Variants in SNRK observed in about 807,000 individuals in gnomAD.
The protein encoded by SNRK is SNF related kinase, also known as SNF-related serine/threonine-protein kinase.
In SNRK, 3 loss-of-function variants were observed where a neutral mutation model predicts 48.2. The observed-to-expected ratio is 0.06, with a 90% CI of 0.03 to 0.16. The LOEUF is 0.16. Ranked by LOEUF, SNRK falls within the 10% of genes least tolerant of loss-of-function variation. The probability of loss-of-function intolerance (pLI) is 1.00; values close to 1 mark genes in which losing one functional copy is unlikely to be tolerated. For missense variants in SNRK, 627 were observed against 976.0 expected (o/e 0.64, Z 4.76); for synonymous variants, 376 against 366.1 (o/e 1.03, Z -0.31).
intron 5 of SNRK, among the ~76,000 whole-genome samples, chr3:43,341,804 G>C (rs774115963): frequency 2.0e-5 from 3 of 152,212 alleles, no homozygotes; most frequent in Non-Finnish European, 2.9e-5. Flanking sequence ...TGATCCCTGA[G>C]AAGGGCAGTG....
At chr3:43,311,095 G>C (rs181536056) in intron 3 of SNRK, among the ~76,000 whole-genome samples, 1 of 152,254 alleles carries the variant, frequency 6.6e-6, no homozygotes, top group East Asian at 1.9e-4. Flanking sequence ...TTGTTAGGTT[G>C]TTAATATACC....
chr3:43,302,870 A>G (rs1333324352), intron 2 of SNRK, among the ~76,000 whole-genome samples: 1 of 149,664 alleles, frequency 6.7e-6, no homozygotes, highest in Admixed American at 6.6e-5. Flanking sequence ...CCAATGAACT[A>G]ATTTTTTTTT....
chr3:43,332,373 C>A, intron 4 of SNRK, 63 bp downstream of exon 4: 1 of 1,108,296 alleles, frequency 9.0e-7, no homozygotes, highest in South Asian at 3.4e-5. Context: ...GTTTTAATTC[C>A]ATTAATATGT....
At chr3:43,317,829 CA>C (rs2091024850) in intron 3 of SNRK, among the ~76,000 whole-genome samples, 1 of 152,194 alleles carries the variant, frequency 6.6e-6, no homozygotes, top group African/African-American at 2.4e-5. Flanking sequence ...TATCTTTCCC[CA>C]CTTGACTTGC....
Position 43,348,209 on chromosome 3 carries a change from G to C in SNRK, c.1950G>C (p.Met650Ile). ...AGCTCGTTGAGAGCCTCAAACTCAT[G>C]AGCCTCTGCCTCGGCTCCCAGCTTC... Reference protein sequence around the residue: ...AGELVESLKLMSLCLGSQLHG... With the variant: ...AGELVESLKLISLCLGSQLHG... The change falls in exon 7 of 7, where the codon ATG (methionine) becomes ATC (isoleucine). Residue 650 changes from methionine (M) to isoleucine (I), a missense_variant. Coordinates refer to ENST00000296088, the MANE Select transcript of SNRK (RefSeq NM_017719.5). 1 of 1,608,914 alleles carries C rather than the reference G, an allele frequency of 6.2e-7. No homozygotes were observed. Among genetic ancestry groups the C allele is most frequent in the Non-Finnish European group, 8.5e-7 (1 of 1,177,546 alleles).
At chr3:43,295,823 C>T (rs1273729239) in intron 1 of SNRK, among the ~76,000 whole-genome samples, 1 of 152,176 alleles carries the variant, frequency 6.6e-6, no homozygotes, top group Non-Finnish European at 1.5e-5. Context: ...ACTGCAACCT[C>T]CACCTCCTGT....
chr3:43,322,526 A>G (rs976062894), intron 3 of SNRK, among the ~76,000 whole-genome samples: 2 of 152,228 alleles, frequency 1.3e-5, no homozygotes, highest in African/African-American at 4.8e-5. Flanking sequence ...AATCAATGAC[A>G]AACTCCCCTA....
At chr3:43,337,505 T>C (rs1481268424) in intron 4 of SNRK, among the ~76,000 whole-genome samples, 1 of 152,028 alleles carries the variant, frequency 6.6e-6, no homozygotes, top group Non-Finnish European at 1.5e-5. Context: ...ACTACAGCCT[T>C]GACCTCTCAG....
intron 4 of SNRK, among the ~76,000 whole-genome samples, chr3:43,334,165 T>C (rs959142860): frequency 3.3e-5 from 5 of 151,080 alleles, no homozygotes; most frequent in African/African-American, 7.3e-5. Flanking sequence ...ATAATTATTA[T>C]TGGGGCCAGG....
intron 2 of SNRK, among the ~76,000 whole-genome samples, chr3:43,301,818 A>G (rs1219756179): frequency 1.3e-5 from 2 of 152,196 alleles, no homozygotes; most frequent in African/African-American, 4.8e-5. Context: ...GGAGGTTGCT[A>G]TATTCCTTGT....
chr3:43,330,250 C>A (rs2091136056), intron 3 of SNRK, among the ~76,000 whole-genome samples: 1 of 152,124 alleles, frequency 6.6e-6, no homozygotes, highest in Admixed American at 6.5e-5. Flanking sequence ...TTTAAAATCA[C>A]CCCTTTTTTT....
intron 1 of SNRK, among the ~76,000 whole-genome samples, chr3:43,297,244 T>C (rs1011795164): frequency 3.9e-5 from 6 of 152,188 alleles, no homozygotes; most frequent in South Asian, 2.1e-4. Context: ...AACTGTTAAG[T>C]ATAGAGGATG....
At chr3:43,319,151 G>A (rs1413053256) in intron 3 of SNRK, among the ~76,000 whole-genome samples, 1 of 152,142 alleles carries the variant, frequency 6.6e-6, no homozygotes, top group African/African-American at 2.4e-5. Context: ...AGTTCCTGGA[G>A]AGTCCCTGTC....
At chr3:43,292,934 A>T (rs138792062) in intron 1 of SNRK, among the ~76,000 whole-genome samples, 3 of 152,162 alleles carry the variant, frequency 2.0e-5, no homozygotes, top group African/African-American at 7.2e-5. Flanking sequence ...TACATGTGCC[A>T]TGGTGGTTTG....
chr3:43,322,067 T>TA (rs1276578053), intron 3 of SNRK, among the ~76,000 whole-genome samples: 6 of 152,404 alleles, frequency 3.9e-5, no homozygotes, highest in African/African-American at 1.4e-4. Flanking sequence ...GCTTTGTGGC[T>TA]TTTTGGCATA....
intron 3 of SNRK, among the ~76,000 whole-genome samples, chr3:43,327,959 T>TG (rs958975443): frequency 1.9e-4 from 28 of 151,084 alleles, no homozygotes; most frequent in East Asian, 5.8e-4. Context: ...TGAGTTGGGT[T>TG]TTTTTTTTTT....
At chr3:43,288,948 T>A (rs1384447756) in intron 1 of SNRK, among the ~76,000 whole-genome samples, 1 of 152,198 alleles carries the variant, frequency 6.6e-6, no homozygotes, top group Admixed American at 6.5e-5. Context: ...ATCCTAGCAG[T>A]TCTGAAGATA....
rs371078181 is a variant in SNRK at position 43,296,415 on chromosome 3, C to CATATATATATATATAT, written c.-168-3336_-168-3321dup. Among the ~76,000 whole-genome samples, 910 of 127,136 alleles carry CATATATATATATATAT rather than the reference C, an allele frequency of 7.2e-3. 11 individuals are homozygous for CATATATATATATATAT. The highest frequency in any genetic ancestry group is 0.021 in the African/African-American group (625 of 29,268). 83.4% of individuals were successfully genotyped at this position (127,136 alleles called of 152,430 possible). ...TGTTTGTATTAGATGGATATACTGG[C>CATATATATATATATAT]ATATATATATATATATATGTATATA... is the stretch of plus-strand genomic sequence containing the variant. On this transcript the variant is annotated intron_variant, in intron 1 of 6. Transcript: ENST00000296088.
intron 6 of SNRK, among the ~76,000 whole-genome samples, chr3:43,346,677 A>G (rs537578083): frequency 6.6e-6 from 1 of 152,326 alleles, no homozygotes; most frequent in South Asian, 2.1e-4. Context: ...CAGGGGGTCA[A>G]GGCTGTAGTG....
Sources: allele counts gnomAD v4.1 joint callset (sites outside exome capture counted in the v4.1 genomes callset), GRCh38; gene constraint gnomAD v4.1.1; transcripts MANE v1.5; gene names NCBI Gene and HGNC (gene_info 2026-07-23, HGNC 2026-07-21).